The following ACAN variants were observed in gnomAD, a reference collection of about 807,000 sequenced individuals.
ACAN encodes the protein aggrecan core protein.
In ACAN, 47 loss-of-function variants were observed where a neutral mutation model predicts 169.1. The observed-to-expected ratio is 0.28, with a 90% confidence interval of 0.22 to 0.35. ACAN has a LOEUF of 0.35. Ranked by LOEUF, ACAN falls within the 10% of genes least tolerant of loss-of-function variation. The pLI, the probability that ACAN is intolerant of heterozygous loss-of-function variation, is 1.00. For missense variants in ACAN, 2,716 were observed against 2,759.9 expected (o/e 0.98, Z 0.36); for synonymous variants, 1,115 against 1,112.2 (o/e 1.00, Z -0.05).
Position 88,840,090 on chromosome 15 carries a change from A to T in ACAN, c.533A>T (p.Asn178Ile), listed in dbSNP as rs1328842971. 1 of 1,605,094 alleles carries T rather than the reference A, an allele frequency of 6.2e-7. No individual in the cohort carries two copies. Among genetic ancestry groups the T allele is most frequent in the African/African-American group, 1.3e-5 (1 of 74,926 alleles). ...FDRAQRACLQ[N>I]SAIIATPEQL... ...AGGGCGCAGCGGGCCTGCCTGCAGA[A>T]CAGTGCCATCATTGCCACGCCTGAG... is the stretch of plus-strand genomic sequence containing the variant. The change falls in exon 4 of 19, where the codon AAC becomes ATC. Residue 178 changes from asparagine to isoleucine, a missense_variant. Physicochemically the swap from Asn to Ile is moderately radical, Grantham distance 149. Coordinates refer to ENST00000560601, the MANE Select transcript of ACAN (RefSeq NM_001369268.1).
chr15:88,812,570 A>G (rs1940859708), intron 1 of ACAN, among the ~76,000 whole-genome samples: 1 of 151,538 alleles, frequency 6.6e-6, no homozygotes, highest in Admixed American at 6.6e-5. Context: ...TTCCTTCAGG[A>G]CTTTTGCCCT....
Position 88,856,908 on chromosome 15 carries a change from T to C in ACAN, c.4323T>C (p.Thr1441=). The part of the protein sequence containing the change: ...GLPSGEVLET[T]APGVEEISGL... ...CTTCTGGAGAAGTTCTAGAGACTAC[T>C]GCCCCTGGAGTAGAGGAGATCAGCG... is the stretch of plus-strand genomic sequence containing the variant. Residue 1441 remains threonine, a synonymous_variant, in exon 12 of 19, where the codon ACT becomes ACC. Coordinates refer to ENST00000560601, the MANE Select transcript of ACAN (RefSeq NM_001369268.1). 1.2e-6 allele frequency: 2 copies of C among 1,606,736 alleles called. No individual in the cohort carries two copies. The highest frequency in any genetic ancestry group is 1.1e-5 in the South Asian group (1 of 90,820).
rs773578351 is a variant in ACAN at position 88,857,164 on chromosome 15, A to G, written c.4579A>G (p.Arg1527Gly). The G allele has an allele frequency of 1.9e-6, 3 of 1,613,434 alleles. No homozygotes were observed. Among genetic ancestry groups the G allele is most frequent in the Non-Finnish European group, 2.5e-6 (3 of 1,179,750 alleles). ...TGCTTCTGGAGTAGAGGACCTCAGC[A>G]GGCTCCCTTCTGGAGAAGAAGTTCT... is the stretch of plus-strand genomic sequence containing the variant. ...TSASGVEDLS[R>G]LPSGEEVLEI... Residue 1527 changes from arginine (R) to glycine (G), a missense_variant, in exon 12 of 19, where the codon AGG becomes GGG. By Grantham distance (125) the Arg-to-Gly change is moderately radical. Coordinates refer to ENST00000560601, the MANE Select transcript of ACAN (RefSeq NM_001369268.1).
At chr15:88,859,463 C>A in intron 12 of ACAN, 46 bp downstream of exon 12, 1 of 1,551,040 alleles carries the variant, frequency 6.4e-7, no homozygotes. Context: ...GTAGTTCAGA[C>A]TGTAGCCTAC....
At position 88,873,193 on chromosome 15, in the gene ACAN, C is replaced by G. The variant is rs987523995; in HGVS notation, c.7447+168C>G. ...GCTGACCTAGGGGTCCCTCCTAGCACCGGCATCCCAGGGCCAATGGCAAGG... is the reference window on the plus strand; with the variant it reads ...GCTGACCTAGGGGTCCCTCCTAGCAGCGGCATCCCAGGGCCAATGGCAAGG... On this transcript the variant is annotated intron_variant, in intron 17 of 18. Transcript: ENST00000560601. This position sits in a 1 kb window ranked among gnomAD's most constrained non-coding sequence, Gnocchi z 7.5. Among the ~76,000 whole-genome samples the G allele has an allele frequency of 1.3e-5, 2 of 152,170 alleles. No individual in the cohort carries two copies. Among genetic ancestry groups the G allele is most frequent in the African/African-American group, 2.4e-5 (1 of 41,432 alleles).
intron 1 of ACAN, among the ~76,000 whole-genome samples, chr15:88,809,192 C>A (rs531803005): frequency 9.2e-5 from 14 of 152,262 alleles, no homozygotes; most frequent in African/African-American, 2.2e-4. Context: ...GATCAGGAAG[C>A]CAAAGAAGGC....
rs766094495 is a variant in ACAN at position 88,859,350 on chromosome 15, C to T, written c.6765C>T (p.Thr2255=). 2.1e-5 allele frequency: 33 copies of T among 1,598,718 alleles called. No individual in the cohort carries two copies. The highest frequency in any genetic ancestry group is 6.0e-6 in the Non-Finnish European group (7 of 1,172,684). Residue 2255 remains threonine, a synonymous_variant, in exon 12 of 19, where the codon ACC becomes ACT. Transcript: ENST00000560601. ...AGACTCACACAGTCGAAACAGCCAC[C>T]TCCCCAACAGATGCTTCCATCCCAG... ...GEETHTVETA[T]SPTDASIPAS... is the part of the protein sequence containing the mutation.
chr15:88,866,387 A>G lies in ACAN; in HGVS notation c.6947-1829A>G, dbSNP rs1371357650. Among the ~76,000 whole-genome samples the G allele has an allele frequency of 6.6e-6, 1 of 152,196 alleles. No homozygotes were observed. Among genetic ancestry groups the G allele is most frequent in the Non-Finnish European group, 1.5e-5 (1 of 68,038 alleles). On this transcript the variant is annotated intron_variant, in intron 13 of 18. Coordinates refer to ENST00000560601, the MANE Select transcript of ACAN (RefSeq NM_001369268.1). This position sits in a 1 kb window ranked among gnomAD's most constrained non-coding sequence, Gnocchi z 5.6. ...CGCTAATGGATAAAAGAGAACAGGC[A>G]GGAGAGCCGCCCCCAGCTTCCGCCC...
rs1449150010 is a variant in ACAN at position 88,875,183 on chromosome 15, C to T, written c.*702C>T. On this transcript the variant is annotated 3_prime_UTR_variant, in exon 19 of 19. Coordinates refer to ENST00000560601, the MANE Select transcript of ACAN (RefSeq NM_001369268.1). The surrounding 1 kb of genome is among the most constrained non-coding windows in gnomAD (Gnocchi z 4.8). ...TCTGCCACCCTAACAGGTGGCAACT[C>T]GGCAGGGCTGCTGGGGGCACTTCCT... 2 of 153,382 alleles carry T rather than the reference C, an allele frequency of 1.3e-5. No homozygotes were observed. The highest frequency in any genetic ancestry group is 1.5e-5 in the Non-Finnish European group (1 of 68,798). 9.5% of individuals were successfully genotyped at this position (153,382 alleles called of 1,614,324 possible).
At position 88,873,092 on chromosome 15, in the gene ACAN, T is replaced by G; in HGVS notation, c.7447+67T>G. ...AGACCTCCAGCTACAGGTGAGGCTC[T>G]TGCTGTGTGGCCTGGGGTGAGTCCC... On this transcript the variant is annotated intron_variant, in intron 17 of 18. Coordinates refer to ENST00000560601, the MANE Select transcript of ACAN (RefSeq NM_001369268.1). This position sits in a 1 kb window ranked among gnomAD's most constrained non-coding sequence, Gnocchi z 7.5. 182 of 1,548,810 alleles carry G rather than the reference T, an allele frequency of 1.2e-4. No homozygotes were observed. Among genetic ancestry groups the G allele is most frequent in the East Asian group, 1.6e-4 (7 of 42,852 alleles).
At chr15:88,824,268 A>G (rs1044814337) in intron 1 of ACAN, among the ~76,000 whole-genome samples, 7 of 151,940 alleles carry the variant, frequency 4.6e-5, no homozygotes, top group Admixed American at 1.3e-4. Flanking sequence ...AGCTTGCAGT[A>G]AGCCAAGATT....
In ACAN at chr15:88,851,964, A is replaced by C. The variant is rs377098407; in HGVS notation, c.2197A>C (p.Thr733Pro). ...GGAGACTACTGCCATCCTAGAGTTC[A>C]CCACCGAGCCAGAAAACCAGACAGA... ...SGETTAILEF[T>P]TEPENQTEWE... Residue 733 changes from threonine (T) to proline (P), a missense_variant, in exon 11 of 19, where the codon ACC becomes CCC. Around this residue, in one of 3 missense-constraint regions of ACAN, gnomAD observed 1,283 missense variants for 1,281.5 expected, o/e 1.00. Transcript: ENST00000560601. This position sits in a 1 kb window ranked among gnomAD's most constrained non-coding sequence, Gnocchi z 4.3. 1 of 1,611,928 alleles carries C rather than the reference A, an allele frequency of 6.2e-7. No homozygotes were observed. Among genetic ancestry groups the C allele is most frequent in the Non-Finnish European group, 8.5e-7 (1 of 1,179,116 alleles).
At chr15:88,804,626 G>C (rs1373271362) in intron 1 of ACAN, among the ~76,000 whole-genome samples, 1 of 152,174 alleles carries the variant, frequency 6.6e-6, no homozygotes, top group Non-Finnish European at 1.5e-5. Context: ...CCAACCCTGG[G>C]GCTGGGTTGG....
intron 1 of ACAN, among the ~76,000 whole-genome samples, chr15:88,823,016 C>G (rs1156992180): frequency 6.6e-6 from 1 of 152,198 alleles, no homozygotes; most frequent in Non-Finnish European, 1.5e-5. Flanking sequence ...CCCTTTCTGG[C>G]AAGCAGGCAT....
In ACAN at chr15:88,847,933, A is replaced by G; in HGVS notation, c.1627A>G (p.Thr543Ala). ...TVRYPIVSPR[T>A]PCVGDKDSSP... ...CAGATACCCCATTGTGAGCCCCCGG[A>G]CCCCATGCGTGGGTGACAAGGACAG... The change falls in exon 9 of 19, where the codon ACC becomes GCC. Residue 543 changes from threonine to alanine, a missense_variant. Physicochemically the swap from Thr to Ala is moderately conservative, Grantham distance 58. Around this residue, in one of 3 missense-constraint regions of ACAN, gnomAD observed 1,283 missense variants for 1,281.5 expected, o/e 1.00. Coordinates refer to ENST00000560601, the MANE Select transcript of ACAN (RefSeq NM_001369268.1). The G allele has an allele frequency of 5.6e-6, 9 of 1,613,692 alleles. No homozygotes were observed. Among genetic ancestry groups the G allele is most frequent in the Non-Finnish European group, 7.6e-6 (9 of 1,179,732 alleles).
intron 1 of ACAN, among the ~76,000 whole-genome samples, chr15:88,831,314 A>G (rs984296423): frequency 4.6e-5 from 7 of 152,200 alleles, no homozygotes; most frequent in African/African-American, 1.7e-4. Context: ...AAGCGCTATC[A>G]TTAATCAATA....
chr15:88,873,942 G>A lies in ACAN; in HGVS notation c.7548G>A (p.Glu2516=). The change falls in exon 18 of 19, where the codon GAG becomes GAA. Residue 2516 remains glutamate (E), a synonymous_variant. Transcript: ENST00000560601. The surrounding 1 kb of genome is among the most constrained non-coding windows in gnomAD (Gnocchi z 7.5). ...CCCTGGTGCGGTACCAGTGCACAGA[G>A]GGGTTTGTCCAGCGCCACATGCCCA... is the stretch of plus-strand genomic sequence containing the variant. ...INSLVRYQCT[E]GFVQRHMPTI... is the part of the protein sequence containing the mutation. 1 of 1,613,662 alleles carries A rather than the reference G, an allele frequency of 6.2e-7. No individual in the cohort carries two copies. Among genetic ancestry groups the A allele is most frequent in the South Asian group, 1.1e-5 (1 of 91,078 alleles).
chr15:88,842,524 CT>C (rs372079173), intron 5 of ACAN, among the ~76,000 whole-genome samples: 8 of 45,568 alleles, frequency 1.8e-4, no homozygotes, highest in African/African-American at 5.1e-4. Context: ...CCCCTCCCCC[CT>C]ACCTGAGCAC....
chr15:88,874,425 C>T lies in ACAN; in HGVS notation c.7651C>T (p.Leu2551=). The T allele has an allele frequency of 6.2e-7, 1 of 1,607,288 alleles. No homozygotes were observed. The highest frequency in any genetic ancestry group is 8.5e-7 in the Non-Finnish European group (1 of 1,177,252). The part of the protein sequence containing the change: ...CTDPTTYKRR[L]QKRSSRHPRR... Reference sequence around the variant, plus strand: ...CCTAGCCACCACCTACAAACGCAGACTACAGAAGCGGAGCTCACGGCACCC... The same window carrying T: ...CCTAGCCACCACCTACAAACGCAGATTACAGAAGCGGAGCTCACGGCACCC... Residue 2551 remains leucine (L), a synonymous_variant, in exon 19 of 19, where the codon CTA becomes TTA. Coordinates refer to ENST00000560601, the MANE Select transcript of ACAN (RefSeq NM_001369268.1). The surrounding 1 kb of genome is among the most constrained non-coding windows in gnomAD (Gnocchi z 7.3).
Sources: gnomAD v4.1 joint callset for allele counts (sites outside exome capture counted in the v4.1 genomes callset) on GRCh38, gnomAD v4.1.1 for gene constraint, gnomAD v4.1.1 regional missense constraint, Gnocchi (gnomAD v3.1) non-coding constraint, MANE v1.5 for transcripts, NCBI Gene and HGNC (gene_info 2026-07-23, HGNC 2026-07-21) for gene names.